Variants in KIAA1755 observed in about 807,000 individuals in gnomAD.
KIAA1755 encodes uncharacterized protein KIAA1755.
KIAA1755 carries 68 observed loss-of-function variants against 91.7 expected under a neutral mutation model. The observed-to-expected ratio is 0.74, with a 90% CI of 0.61 to 0.91. The LOEUF (loss-of-function observed/expected upper bound fraction) is 0.91, where lower values mean the gene tolerates loss of function less well. KIAA1755 is among the 40% of genes least tolerant of loss of function. The pLI is 0.00. For missense variants in KIAA1755, 1,535 were observed against 1,494.4 expected (o/e 1.03, Z -0.45); for synonymous variants, 610 against 604.6 (o/e 1.01, Z -0.13).
Position 38,232,606 on chromosome 20 carries a change from C to T in KIAA1755, c.1748-1281G>A, listed in dbSNP as rs189527645. On this transcript the variant is annotated intron_variant, in intron 4 of 13. Coordinates refer to ENST00000279024, the MANE Select transcript of KIAA1755 (RefSeq NM_001029864.2). ...TCTCGCCACTGCACTCCAGCCTGGG[C>T]GACAGAGTGAGACTCTGTCTCAGAA... Among the ~76,000 whole-genome samples, 326 of 141,712 alleles carry T rather than the reference C, an allele frequency of 2.3e-3. 3 individuals carry two copies. In the East Asian group the frequency reaches 0.044, roughly 19 times the overall value. 93.0% of individuals were successfully genotyped at this position (141,712 alleles called of 152,430 possible).
At chr20:38,215,097 A>G (rs1282277197) in intron 13 of KIAA1755, among the ~76,000 whole-genome samples, 2 of 152,218 alleles carry the variant, frequency 1.3e-5, no homozygotes, top group Non-Finnish European at 2.9e-5. Context: ...GGGCTGTCCC[A>G]TCATCTGTCT....
rs1428316844 is a variant in KIAA1755, at chr20:38,246,066, C to T, written c.64G>A (p.Glu22Lys). 4 of 1,613,842 alleles carry T rather than the reference C, an allele frequency of 2.5e-6. No homozygotes were observed. Among genetic ancestry groups the T allele is most frequent in the Non-Finnish European group, 3.4e-6 (4 of 1,180,002 alleles). ...HALAGLYPPF[E>K]ATAPTVLGQV... Reference sequence around the variant, plus strand: ...CCCAGGACGGTGGGTGCTGTGGCCTCGAAAGGAGGATAGAGGCCCGCCAGG... The same window carrying T: ...CCCAGGACGGTGGGTGCTGTGGCCTTGAAAGGAGGATAGAGGCCCGCCAGG... The change falls in exon 2 of 14, where the codon GAG (glutamate) becomes AAG (lysine). Residue 22 changes from glutamate to lysine, a missense_variant. Physicochemically the swap from Glu to Lys is moderately conservative, Grantham distance 56. Coordinates refer to ENST00000279024, the MANE Select transcript of KIAA1755 (RefSeq NM_001029864.2).
In KIAA1755 at chr20:38,254,783, C is replaced by CA. The variant is rs773273813; in HGVS notation, c.3+5714dup. Among the ~76,000 whole-genome samples the CA allele has an allele frequency of 6.7e-3, 907 of 135,994 alleles. 9 individuals are homozygous for CA. The highest frequency in any genetic ancestry group is 0.017 in the African/African-American group (613 of 36,524). 89.2% of individuals were successfully genotyped at this position (135,994 alleles called of 152,430 possible). A position where few individuals can be genotyped will look rare whatever the true frequency, so the allele number is the denominator to read the frequency against. On this transcript the variant is annotated intron_variant, in intron 1 of 13. Coordinates refer to ENST00000279024, the MANE Select transcript of KIAA1755 (RefSeq NM_001029864.2). ...CCTGGGCAGAGCGAGTCCCCAACTC[C>CA]AAAAAAAAAAAAAAGTATAATCTAT...
chr20:38,213,780 C>T lies in KIAA1755; in HGVS notation c.2902-37G>A. The T allele has an allele frequency of 2.9e-6, 4 of 1,388,984 alleles. No individual in the cohort carries two copies. The South Asian group carries it at 4.6e-5, about 16-fold the overall frequency. The allele number at this position is 1,388,984 out of a possible 1,614,324, so 86.0% of individuals were successfully genotyped here. ...GAAGAGAGGGAGGTGGGGGCTCAGG[C>T]TGGAAGTGGGACCATGGAGGACTGA... is the stretch of plus-strand genomic sequence containing the variant. On this transcript the variant is annotated intron_variant, in intron 13 of 13. Transcript: ENST00000279024.
At chr20:38,251,953 C>T (rs928571061) in intron 1 of KIAA1755, among the ~76,000 whole-genome samples, 36 of 152,118 alleles carry the variant, frequency 2.4e-4, no homozygotes, top group African/African-American at 8.7e-4. Flanking sequence ...TATGTATGAG[C>T]CCCTGTAACC....
chr20:38,221,241 C>G (rs999425417), intron 10 of KIAA1755, among the ~76,000 whole-genome samples: 13 of 152,184 alleles, frequency 8.5e-5, no homozygotes, highest in Admixed American at 8.5e-4. Context: ...GCAGAACAAA[C>G]GCCCACAGCA....
In KIAA1755 at chr20:38,234,836, G is replaced by A. The variant is rs543881230; in HGVS notation, c.1748-3511C>T. On this transcript the variant is annotated intron_variant, in intron 4 of 13. Coordinates refer to ENST00000279024, the MANE Select transcript of KIAA1755 (RefSeq NM_001029864.2). ...TGTCCACCTGATTTGTCTTCAGCTG[G>A]GCCAAGGAGACCCTTTTGCCCCAAA... Among the ~76,000 whole-genome samples, 3 of 152,292 alleles carry A rather than the reference G, an allele frequency of 2.0e-5. No individual in the cohort carries two copies. The South Asian group carries it at 6.2e-4, about 32-fold the overall frequency.
intron 5 of KIAA1755, among the ~76,000 whole-genome samples, chr20:38,228,989 C>G (rs761816570): frequency 6.6e-6 from 1 of 152,164 alleles, no homozygotes; most frequent in Non-Finnish European, 1.5e-5. Context: ...AATACAGATT[C>G]CTCACCCTAC....
At chr20:38,228,051 G>T (rs1600593845) in intron 6 of KIAA1755, 96 bp downstream of exon 6, 1 of 811,970 alleles carries the variant, frequency 1.2e-6, no homozygotes. Flanking sequence ...GAGAGTCCTG[G>T]TCCCAGCCTT....
rs1369810826 is a variant in KIAA1755 at position 38,220,573 on chromosome 20, A to G, written c.2418-805T>C. On this transcript the variant is annotated intron_variant, in intron 10 of 13. Coordinates refer to ENST00000279024, the MANE Select transcript of KIAA1755 (RefSeq NM_001029864.2). ...AGGTGATCTGTCTGCCTCAGCCTCC[A>G]AAAGTGCTGGCATTATAGGCATAAG... is the stretch of plus-strand genomic sequence containing the variant. Among the ~76,000 whole-genome samples, 3 of 152,148 alleles carry G rather than the reference A, an allele frequency of 2.0e-5. No individual in the cohort carries two copies. In the East Asian group the frequency reaches 5.8e-4, roughly 29 times the overall value.
intron 2 of KIAA1755, 134 bp downstream of exon 2, chr20:38,245,795 T>A (rs2076147738): frequency 1.3e-6 from 1 of 757,224 alleles, no homozygotes; most frequent in Non-Finnish European, 2.2e-6. Context: ...GCAATGATAC[T>A]TGGAAAGTCC....
In KIAA1755 at chr20:38,240,798, C is replaced by G. The variant is rs543949449; in HGVS notation, c.1333G>C (p.Glu445Gln). ...SETKIEVKTK[E>Q]RNGRLPKPMP... ...GGCTTGGGAAGTCTCCCATTTCTCT[C>G]TTTGGTCTTCACCTCTATCTTTGTT... The change falls in exon 3 of 14, where the codon GAG (glutamate) becomes CAG (glutamine). Residue 445 changes from glutamate (E) to glutamine (Q), a missense_variant. By Grantham distance (29) the Glu-to-Gln change is conservative. Coordinates refer to ENST00000279024, the MANE Select transcript of KIAA1755 (RefSeq NM_001029864.2). The G allele has an allele frequency of 1.6e-5, 25 of 1,611,600 alleles. No individual in the cohort carries two copies. The highest frequency in any genetic ancestry group is 2.0e-5 in the Non-Finnish European group (24 of 1,178,914).
intron 1 of KIAA1755, chr20:38,260,277 TAC>T: frequency 6.5e-7 from 1 of 1,548,706 alleles, no homozygotes; most frequent in East Asian, 2.4e-5. Context: ...ACTCCATCCA[TAC>T]ACACACATGG....
At chr20:38,244,204 T>C (rs2076115539) in intron 2 of KIAA1755, among the ~76,000 whole-genome samples, 2 of 152,258 alleles carry the variant, frequency 1.3e-5, no homozygotes, top group South Asian at 4.1e-4. Context: ...AAGTGGGCAA[T>C]TGTGTAGCTT....
intron 1 of KIAA1755, among the ~76,000 whole-genome samples, chr20:38,252,590 C>G (rs1193550297): frequency 2.6e-5 from 4 of 152,176 alleles, no homozygotes; most frequent in Non-Finnish European, 5.9e-5. Context: ...CCCCCTCTGC[C>G]TGGGGACCAC....
At chr20:38,242,581 G>A (rs1373631170) in intron 2 of KIAA1755, among the ~76,000 whole-genome samples, 1 of 152,140 alleles carries the variant, frequency 6.6e-6, no homozygotes, top group Admixed American at 6.6e-5. Context: ...AGTGCACAGA[G>A]CACTTACATC....
intron 1 of KIAA1755, among the ~76,000 whole-genome samples, chr20:38,254,400 G>A (rs1345291849): frequency 6.6e-6 from 1 of 152,040 alleles, no homozygotes; most frequent in Non-Finnish European, 1.5e-5. Context: ...GACTCTCTGG[G>A]TGATCCTGGC....
rs1041607020 is a variant in KIAA1755, at chr20:38,219,654, G to A, written c.2532C>T (p.Gly844=). The A allele has an allele frequency of 6.2e-7, 1 of 1,614,080 alleles. No individual in the cohort carries two copies. The highest frequency in any genetic ancestry group is 8.5e-7 in the Non-Finnish European group (1 of 1,180,004). ...LGKLELRVRL[G]RLEAAIHQVS... is the part of the protein sequence containing the mutation. ...CCTGGTGAATGGCAGCTTCCAGGCG[G>A]CCCAGGCGGACACGGAGCTCCAGCT... is the stretch of plus-strand genomic sequence containing the variant. The change falls in exon 11 of 14, where the codon GGC becomes GGT. Residue 844 remains glycine (G), a synonymous_variant. Transcript: ENST00000279024.
intron 4 of KIAA1755, among the ~76,000 whole-genome samples, chr20:38,232,797 T>C (rs1298606728): frequency 6.6e-6 from 1 of 151,856 alleles, no homozygotes. Flanking sequence ...AAACTGGAAA[T>C]TGATTAGTAT....
Sources: gnomAD v4.1 joint callset for allele counts (sites outside exome capture counted in the v4.1 genomes callset) on GRCh38, gnomAD v4.1.1 for gene constraint, MANE v1.5 for transcripts, NCBI Gene and HGNC (gene_info 2026-07-23, HGNC 2026-07-21) for gene names.